PCNX2: variants seen among roughly 807,000 people sequenced by gnomAD.
PCNX2 encodes pecanex-like protein 2.
In PCNX2, 168 loss-of-function variants were observed where a neutral mutation model predicts 223.8. The observed-to-expected ratio is 0.75, with a 90% confidence interval of 0.66 to 0.85. The LOEUF is 0.85. Ranked by LOEUF, PCNX2 falls within the 40% of genes least tolerant of loss-of-function variation. PCNX2 has a pLI of 0.00. For missense variants in PCNX2, 2,507 were observed against 2,675.5 expected (o/e 0.94, Z 1.39); for synonymous variants, 1,006 against 1,052.6 (o/e 0.96, Z 0.86).
At chr1:233,067,365 CAAAAAAAAAAAAAAAAAAAAA>C (rs750823791) in intron 23 of PCNX2, among the ~76,000 whole-genome samples, 18 of 3,890 alleles carry the variant, frequency 4.6e-3, no homozygotes, top group Admixed American at 0.042. Context: ...AGAGCTTCAG[CAAAAAAAAAAAAAAAAAAAAA>C]AAAAAAAAAA....
chr1:233,174,283 T>G (rs1249653299), intron 17 of PCNX2, among the ~76,000 whole-genome samples: 1 of 146,226 alleles, frequency 6.8e-6, no homozygotes, highest in Non-Finnish European at 1.5e-5. Context: ...TAATTTATAT[T>G]TTATATAATG....
chr1:233,136,261 C>T (rs1360991180), intron 20 of PCNX2, among the ~76,000 whole-genome samples: 3 of 152,228 alleles, frequency 2.0e-5, no homozygotes, highest in Non-Finnish European at 4.4e-5. Context: ...GGCTTTCTTT[C>T]CCTGGCTCAG....
chr1:233,139,978 T>C lies in PCNX2; in HGVS notation c.3518-123A>G, dbSNP rs1223225193. On this transcript the variant is annotated intron_variant, in intron 19 of 33. Coordinates refer to ENST00000258229, the MANE Select transcript of PCNX2 (RefSeq NM_014801.4). This position sits in a 1 kb window ranked among gnomAD's most constrained non-coding sequence, Gnocchi z 4.4. The stretch of plus-strand genomic sequence containing the variant: ...AAAGCTGCTAATTAAGAACTCGTGA[T>C]ACTAGACATGATATACCATTTTTTT... 2 of 1,239,170 alleles carry C rather than the reference T, an allele frequency of 1.6e-6. No individual in the cohort carries two copies. The highest frequency in any genetic ancestry group is 2.8e-5 in the Admixed American group (1 of 36,254). 76.8% of individuals were successfully genotyped at this position (1,239,170 alleles called of 1,614,324 possible).
At chr1:233,091,293 G>A (rs1467848803) in intron 22 of PCNX2, among the ~76,000 whole-genome samples, 2 of 152,152 alleles carry the variant, frequency 1.3e-5, no homozygotes, top group Non-Finnish European at 2.9e-5. Context: ...CTGAACTAAG[G>A]AGGATCTTAT....
intron 15 of PCNX2, among the ~76,000 whole-genome samples, chr1:233,187,371 C>A (rs1414847531): frequency 6.6e-6 from 1 of 152,144 alleles, no homozygotes; most frequent in Non-Finnish European, 1.5e-5. Flanking sequence ...TAAACTTTGG[C>A]TGGTGTCACT....
chr1:233,262,263 C>T, intron 2 of PCNX2, 98 bp from the exon 3 acceptor site: 1 of 1,442,594 alleles, frequency 6.9e-7, no homozygotes. Flanking sequence ...TCCTAGAGTC[C>T]ATTTTGTTAT....
intron 25 of PCNX2, among the ~76,000 whole-genome samples, chr1:233,040,680 C>T (rs1214774254): frequency 6.6e-6 from 1 of 152,074 alleles, no homozygotes. Context: ...AGCTCAGTCA[C>T]TCTCTCCACC....
intron 1 of PCNX2, chr1:233,291,154 C>G: frequency 3.2e-6 from 3 of 936,218 alleles, no homozygotes; most frequent in Non-Finnish European, 3.8e-6. Context: ...CAGCTAAATG[C>G]TGGATTTTAC....
intron 17 of PCNX2, among the ~76,000 whole-genome samples, chr1:233,172,082 T>C (rs1450055594): frequency 6.6e-6 from 1 of 152,230 alleles, no homozygotes; most frequent in Non-Finnish European, 1.5e-5. Context: ...TTAAATATTT[T>C]CTATGGTCTA....
At chr1:233,272,481 A>C (rs894760249) in intron 1 of PCNX2, among the ~76,000 whole-genome samples, 4 of 152,174 alleles carry the variant, frequency 2.6e-5, no homozygotes, top group Non-Finnish European at 4.4e-5. Context: ...ATAATCAAAA[A>C]ATGAAAAAAT....
chr1:233,034,167 G>C (rs1033376792), intron 25 of PCNX2, among the ~76,000 whole-genome samples: 2 of 152,160 alleles, frequency 1.3e-5, no homozygotes, highest in African/African-American at 4.8e-5. Context: ...AGCCGAGATC[G>C]TGCCGCTGCC....
intron 17 of PCNX2, among the ~76,000 whole-genome samples, chr1:233,169,416 A>G (rs978886343): frequency 6.6e-6 from 1 of 151,540 alleles, no homozygotes; most frequent in African/African-American, 2.4e-5. Context: ...GGAGGCCGAG[A>G]CGGGCGGATC....
In PCNX2 at chr1:232,998,370, GC is replaced by G. The variant is rs761249384; in HGVS notation, c.5671del (p.Ala1891ProfsTer56). On this transcript the variant is annotated frameshift_variant, in exon 32 of 34. Transcript: ENST00000258229. LOFTEE classifies it high-confidence loss of function. ...GGCATTGTTGCCACCTGTCGTCGGG[GC>G]CCCTCCTCCGTCCACGTCTTCAATG... The part of the protein sequence containing the change: ...GNIEDVDGGG[A>X]PTTGGNNAPS... 2 of 1,612,996 alleles carry G rather than the reference GC, an allele frequency of 1.2e-6. No individual in the cohort carries two copies. The highest frequency in any genetic ancestry group is 1.7e-5 in the Admixed American group (1 of 59,924).
At position 233,179,087 on chromosome 1, in the gene PCNX2, C is replaced by A; in HGVS notation, c.3155G>T (p.Ser1052Ile). 6.2e-7 allele frequency: 1 copy of A among 1,613,808 alleles called. No individual in the cohort carries two copies. ...VALSYHLSRQ[S>I]SDPSVLMSFI... Reference sequence around the variant, plus strand: ...TCACATGAGTACAGATGGGTCACTGCTCTGACGGCTCAGATGGTAAGAAAG... The same window carrying A: ...TCACATGAGTACAGATGGGTCACTGATCTGACGGCTCAGATGGTAAGAAAG... The change falls in exon 16 of 34, where the codon AGC becomes ATC. Residue 1052 changes from serine (S) to isoleucine (I), a missense_variant. Ser to Ile is a moderately radical substitution (Grantham distance 142, BLOSUM62 -2). This residue lies in a region of PCNX2 where 1,372 missense variants were observed against 1,509.4 expected (regional missense o/e 0.91). Coordinates refer to ENST00000258229, the MANE Select transcript of PCNX2 (RefSeq NM_014801.4).
At chr1:233,007,549 T>C (rs1462284137) in intron 28 of PCNX2, among the ~76,000 whole-genome samples, 1 of 152,154 alleles carries the variant, frequency 6.6e-6, no homozygotes, top group Non-Finnish European at 1.5e-5. Flanking sequence ...TTTTTATTTA[T>C]TTTTTTGAGA....
intron 22 of PCNX2, among the ~76,000 whole-genome samples, chr1:233,091,893 T>C (rs1437609203): frequency 6.6e-6 from 1 of 152,068 alleles, no homozygotes; most frequent in Non-Finnish European, 1.5e-5. Context: ...AGATCTCTAT[T>C]GTGCTGCAAT....
intron 14 of PCNX2, 26 bp downstream of exon 14, chr1:233,200,127 AG>A: frequency 6.7e-7 from 1 of 1,488,482 alleles, no homozygotes; most frequent in Non-Finnish European, 9.2e-7. Flanking sequence ...ATTCCTTTAC[AG>A]GAAGAATAGA....
At chr1:233,129,714 G>A (rs943911462) in intron 21 of PCNX2, among the ~76,000 whole-genome samples, 1 of 152,082 alleles carries the variant, frequency 6.6e-6, no homozygotes, top group East Asian at 1.9e-4. Flanking sequence ...GATCTGGTGG[G>A]GACTTGGAGA....
In PCNX2 at chr1:233,001,880, T is replaced by A. The variant is rs1462389737; in HGVS notation, c.4953-199A>T. On this transcript the variant is annotated intron_variant, in intron 28 of 33. Coordinates refer to ENST00000258229, the MANE Select transcript of PCNX2 (RefSeq NM_014801.4). This position sits in a 1 kb window ranked among gnomAD's most constrained non-coding sequence, Gnocchi z 4.2. ...GTTTGGGCCCTCATAAGTGCTAGTG[T>A]CATGGCGTGGGCGTTGTCTTCAGTC... Among the ~76,000 whole-genome samples the A allele has an allele frequency of 6.6e-6, 1 of 152,192 alleles. No homozygotes were observed. The highest frequency in any genetic ancestry group is 1.5e-5 in the Non-Finnish European group (1 of 68,032).
Sources: gnomAD v4.1 joint callset for allele counts (sites outside exome capture counted in the v4.1 genomes callset) on GRCh38, gnomAD v4.1.1 for gene constraint, gnomAD v4.1.1 regional missense constraint, Gnocchi (gnomAD v3.1) non-coding constraint, MANE v1.5 for transcripts, NCBI Gene and HGNC (gene_info 2026-07-23, HGNC 2026-07-21) for gene names.